Variants in MRE11 observed in about 807,000 individuals in gnomAD.
The protein encoded by MRE11 is MRE11 double strand break repair nuclease, also known as double-strand break repair protein MRE11.
MRE11 carries 62 observed loss-of-function variants against 91.7 expected under a neutral mutation model. The observed-to-expected ratio is 0.68, with a 90% CI of 0.55 to 0.84. The LOEUF is 0.84. Ranked by LOEUF, MRE11 falls within the 40% of genes least tolerant of loss-of-function variation. The pLI is 0.00. For synonymous variants in MRE11, 273 were observed against 271.4 expected (o/e 1.01, Z -0.06); for missense variants, 796 against 852.9 (o/e 0.93, Z 0.83).
chr11:94,456,374 C>T (rs781521785), intron 13 of MRE11, 36 bp from the exon 14 acceptor site: 10 of 1,513,914 alleles, frequency 6.6e-6, no homozygotes, highest in South Asian at 5.6e-5. Context: ...AACATGTTGC[C>T]TATTCCAGTT....
chr11:94,500,387 A>G, the MRE11 span, among the ~76,000 whole-genome samples: 1 of 152,196 alleles, frequency 6.6e-6, no homozygotes, highest in African/African-American at 2.4e-5. Flanking sequence ...TGAGGGCAGA[A>G]TTTGTATTGT....
chr11:94,510,786 A>G, the MRE11 span, among the ~76,000 whole-genome samples: 1 of 152,230 alleles, frequency 6.6e-6, no homozygotes, highest in Non-Finnish European at 1.5e-5. Flanking sequence ...TGTTGGCAGT[A>G]ACATAGCTGG....
intron 1 of MRE11, 69 bp from the exon 2 acceptor site, chr11:94,492,975 C>T (rs1195658479): frequency 1.1e-5 from 7 of 652,172 alleles, no homozygotes; most frequent in Admixed American, 2.7e-5. Flanking sequence ...ACATGATTTA[C>T]GCTGCACAAG....
intron 9 of MRE11, among the ~76,000 whole-genome samples, chr11:94,469,574 A>G (rs1233874395): frequency 6.6e-6 from 1 of 152,138 alleles, no homozygotes; most frequent in African/African-American, 2.4e-5. Context: ...TCTAGAGTCA[A>G]TCATCTTGAA....
At chr11:94,468,010 G>C (rs1946612268) in intron 9 of MRE11, 117 bp from the exon 10 acceptor site, 1 of 770,270 alleles carries the variant, frequency 1.3e-6, no homozygotes, top group African/African-American at 1.7e-5. Flanking sequence ...TATTTCCTAG[G>C]TCATTTATGA....
At chr11:94,511,763 C>T in the MRE11 span, among the ~76,000 whole-genome samples, 755 of 152,248 alleles carry the variant, frequency 5.0e-3, 8 homozygotes, top group African/African-American at 0.017. Flanking sequence ...AAATTAACAC[C>T]ACAACGTAAT....
chr11:94,496,934 G>T, upstream of MRE11: 1 of 1,613,566 alleles, frequency 6.2e-7, no homozygotes, highest in Non-Finnish European at 8.5e-7. Flanking sequence ...GCTTCTTTGG[G>T]CTGCTGAAAA....
the MRE11 span, among the ~76,000 whole-genome samples, chr11:94,511,793 A>T: frequency 6.6e-6 from 1 of 152,238 alleles, no homozygotes; most frequent in Non-Finnish European, 1.5e-5. Flanking sequence ...AGGCCTGCAA[A>T]ACCAAACCAA....
At chr11:94,439,779 C>T (rs1945724193) in intron 16 of MRE11, among the ~76,000 whole-genome samples, 1 of 152,168 alleles carries the variant, frequency 6.6e-6, no homozygotes, top group East Asian at 1.9e-4. Flanking sequence ...AACACTCATT[C>T]CTAAAGATGA....
intron 3 of MRE11, among the ~76,000 whole-genome samples, chr11:94,487,254 T>C (rs1413155056): frequency 1.3e-5 from 2 of 152,344 alleles, no homozygotes; most frequent in East Asian, 1.9e-4. Flanking sequence ...GGAAATTTTA[T>C]GTTATGTATT....
intron 4 of MRE11, 72 bp downstream of exon 4, chr11:94,485,852 T>C (rs768112142): frequency 6.4e-6 from 9 of 1,410,530 alleles, no homozygotes; most frequent in Non-Finnish European, 9.0e-6. Context: ...AAAACAGTTG[T>C]GTGTTTACGT....
intron 16 of MRE11, among the ~76,000 whole-genome samples, 185 bp from the exon 17 acceptor site, chr11:94,437,420 T>C (rs960592204): frequency 1.3e-5 from 2 of 152,232 alleles, no homozygotes; most frequent in African/African-American, 2.4e-5. Context: ...CATAACTCAA[T>C]GCCCAACTGT....
intron 19 of MRE11, among the ~76,000 whole-genome samples, chr11:94,425,391 A>T (rs1228614800): frequency 2.0e-5 from 3 of 152,196 alleles, no homozygotes; most frequent in Non-Finnish European, 4.4e-5. Flanking sequence ...ACTACCACAA[A>T]AACACACTTA....
At chr11:94,437,368 G>T in intron 16 of MRE11, 133 bp from the exon 17 acceptor site, 1 of 743,758 alleles carries the variant, frequency 1.3e-6, no homozygotes, top group Non-Finnish European at 2.2e-6. Context: ...AAAACTATTT[G>T]ATATTTTTAA....
At chr11:94,469,110 C>T (rs745934960) in intron 9 of MRE11, among the ~76,000 whole-genome samples, 2 of 151,824 alleles carry the variant, frequency 1.3e-5, no homozygotes, top group Non-Finnish European at 2.9e-5. Flanking sequence ...TATGTGCACA[C>T]CTGGTGTTTA....
At chr11:94,465,694 C>A (rs1005132467) in intron 10 of MRE11, among the ~76,000 whole-genome samples, 1 of 152,102 alleles carries the variant, frequency 6.6e-6, no homozygotes, top group Admixed American at 6.5e-5. Context: ...CCATGCCCAG[C>A]CTTACCCAGA....
chr11:94,420,887 C>T (rs1945152553), intron 19 of MRE11, among the ~76,000 whole-genome samples: 1 of 152,024 alleles, frequency 6.6e-6, no homozygotes, highest in African/African-American at 2.4e-5. Flanking sequence ...AAAAAATTGG[C>T]CGGGTGTGGT....
At position 94,492,841 on chromosome 11, in the gene MRE11, T is replaced by C; in HGVS notation, c.-40A>G. The C allele has an allele frequency of 6.3e-7, 1 of 1,581,760 alleles. No individual in the cohort carries two copies. Among genetic ancestry groups the C allele is most frequent in the South Asian group, 1.1e-5 (1 of 90,354 alleles). The stretch of plus-strand genomic sequence containing the variant: ...AAGCTCCTCTGGGACCAGGTTCTTC[T>C]CCAAGAACCCCTGGGTACTGTACTC... On this transcript the variant is annotated 5_prime_UTR_variant, in exon 2 of 20. Transcript: ENST00000323929.
upstream of MRE11, among the ~76,000 whole-genome samples, chr11:94,495,283 G>T (rs748630078): frequency 1.3e-4 from 20 of 152,084 alleles, no homozygotes; most frequent in Non-Finnish European, 2.4e-4. Context: ...TCCATTCCAG[G>T]CAAAATCAAG....
Sources: gnomAD v4.1 joint callset for allele counts (sites outside exome capture counted in the v4.1 genomes callset) on GRCh38, gnomAD v4.1.1 for gene constraint, MANE v1.5 for transcripts, NCBI Gene and HGNC (gene_info 2026-07-23, HGNC 2026-07-21) for gene names.